Variants in ENPP1 observed in about 807,000 individuals in gnomAD.
The protein encoded by ENPP1 is ectonucleotide pyrophosphatase/phosphodiesterase family member 1.
Under a neutral mutation model 122.8 loss-of-function variants are expected in ENPP1, and 73 were observed. That is an observed-to-expected ratio of 0.59 (90% CI 0.49 to 0.72). ENPP1 has a LOEUF of 0.72. Among genes scored for constraint, ENPP1 ranks in the 30% least tolerant of loss-of-function variants. The pLI is 0.00. For synonymous variants in ENPP1, 367 were observed against 391.6 expected (o/e 0.94, Z 0.74); for missense variants, 978 against 1,128.1 (o/e 0.87, Z 1.91).
chr6:131,855,032 C>T lies in ENPP1; in HGVS notation c.715+9C>T. The T allele has an allele frequency of 6.5e-7, 1 of 1,547,570 alleles. No homozygotes were observed. The highest frequency in any genetic ancestry group is 1.1e-5 in the South Asian group (1 of 89,756). ...TGTTATTAGCAAACTAAGTGAGTAA[C>T]TTCAGAGTTTACTGCTGGAATATCA... On this transcript the variant is annotated intron_variant, in intron 6 of 24. Transcript: ENST00000647893.
chr6:131,876,896 T>C (rs544623867), intron 17 of ENPP1, 96 bp from the exon 18 acceptor site: 11 of 1,057,284 alleles, frequency 1.0e-5, no homozygotes, highest in Middle Eastern at 2.8e-4. Flanking sequence ...AAATGACTCA[T>C]GTATTTGGTT....
At chr6:131,888,235 CTTTTTTT>C (rs58493790) in intron 24 of ENPP1, among the ~76,000 whole-genome samples, 4 of 139,484 alleles carry the variant, frequency 2.9e-5, no homozygotes, top group Non-Finnish European at 6.2e-5. Flanking sequence ...CCTACATTTC[CTTTTTTT>C]TTTTTTTTCA....
At chr6:131,848,369 T>A (rs1781839703) in intron 2 of ENPP1, among the ~76,000 whole-genome samples, 1 of 152,152 alleles carries the variant, frequency 6.6e-6, no homozygotes, top group African/African-American at 2.4e-5. Flanking sequence ...TTAAACTGGA[T>A]CACAGTAAAT....
intron 13 of ENPP1, among the ~76,000 whole-genome samples, chr6:131,869,959 G>A (rs1782140740): frequency 1.3e-5 from 2 of 151,838 alleles, no homozygotes; most frequent in Non-Finnish European, 2.9e-5. Flanking sequence ...CCAATGCAGA[G>A]CTTTTGTACA....
intron 1 of ENPP1, among the ~76,000 whole-genome samples, chr6:131,829,518 GTCTA>G (rs772157606): frequency 6.6e-6 from 1 of 152,310 alleles, no homozygotes; most frequent in South Asian, 2.1e-4. Context: ...ATGTCTGTCT[GTCTA>G]TCTATCCATC....
chr6:131,875,835 A>G lies in ENPP1; in HGVS notation c.1695A>G (p.Glu565=). The G allele has an allele frequency of 1.2e-6, 2 of 1,613,992 alleles. No homozygotes were observed. The highest frequency in any genetic ancestry group is 1.7e-6 in the Non-Finnish European group (2 of 1,179,882). The change falls in exon 17 of 25, where the codon GAA becomes GAG. Residue 565 remains glutamate (E), a synonymous_variant. Coordinates refer to ENST00000647893, the MANE Select transcript of ENPP1 (RefSeq NM_006208.3). ...FKHGIEADTF[E]NIEVYNLMCD... Reference sequence around the variant, plus strand: ...ATGGCATTGAGGCTGACACCTTTGAAAACATTGAAGTCTATAACTTAATGT... The same window carrying G: ...ATGGCATTGAGGCTGACACCTTTGAGAACATTGAAGTCTATAACTTAATGT...
At chr6:131,839,408 T>C (rs1366997974) in intron 1 of ENPP1, among the ~76,000 whole-genome samples, 3 of 152,072 alleles carry the variant, frequency 2.0e-5, no homozygotes, top group Admixed American at 2.0e-4. Context: ...AGAGATTAGG[T>C]AGATTTCATG....
At chr6:131,852,269 T>A in intron 5 of ENPP1, 34 bp downstream of exon 5, 1 of 1,307,544 alleles carries the variant, frequency 7.6e-7, no homozygotes, top group African/African-American at 1.4e-5. Context: ...AATTTTTTCT[T>A]TTTTAGAAGT....
chr6:131,873,724 T>A (rs1782192504), intron 15 of ENPP1, among the ~76,000 whole-genome samples: 1 of 152,088 alleles, frequency 6.6e-6, no homozygotes, highest in South Asian at 2.1e-4. Flanking sequence ...TACATACCCC[T>A]GTCAAGCAAA....
At position 131,877,139 on chromosome 6, in the gene ENPP1, T is replaced by C. The variant is rs775258307; in HGVS notation, c.1871T>C (p.Leu624Pro). 3.1e-6 allele frequency: 5 copies of C among 1,613,908 alleles called. No individual in the cohort carries two copies. The highest frequency in any genetic ancestry group is 4.2e-6 in the Non-Finnish European group (5 of 1,179,920). ...TTCACAAGAAACCCCAGAGATAACC[T>C]TGGCTGCTCATGTAACCCTTCGGTA... ...CPFTRNPRDN[L>P]GCSCNPSILP... Residue 624 changes from leucine (L) to proline (P), a missense_variant, in exon 18 of 25, where the codon CTT becomes CCT. Leu to Pro is a moderately conservative substitution (Grantham distance 98). Coordinates refer to ENST00000647893, the MANE Select transcript of ENPP1 (RefSeq NM_006208.3).
chr6:131,881,245 A>G (rs116301856), intron 20 of ENPP1, among the ~76,000 whole-genome samples: 2,147 of 152,294 alleles, frequency 0.014, 58 homozygotes, highest in African/African-American at 0.049. Flanking sequence ...ATACACACAT[A>G]TATTTATATA....
intron 5 of ENPP1, among the ~76,000 whole-genome samples, chr6:131,854,404 C>A (rs1781919612): frequency 6.6e-6 from 1 of 151,872 alleles, no homozygotes; most frequent in Admixed American, 6.6e-5. Context: ...CAGAGTGAGA[C>A]TCTGTCTCAA....
At chr6:131,833,201 T>A (rs1366406989) in intron 1 of ENPP1, among the ~76,000 whole-genome samples, 1 of 152,220 alleles carries the variant, frequency 6.6e-6, no homozygotes, top group Non-Finnish European at 1.5e-5. Context: ...CTATTTCTCC[T>A]TATGTGCTTG....
In ENPP1 at chr6:131,808,190, C is replaced by T. The variant is rs1408308764; in HGVS notation, c.155C>T (p.Pro52Leu). The T allele has an allele frequency of 6.7e-7, 1 of 1,500,694 alleles. No individual in the cohort carries two copies. The highest frequency in any genetic ancestry group is 2.2e-5 in the Admixed American group (1 of 45,504). 93.0% of individuals were successfully genotyped at this position (1,500,694 alleles called of 1,614,324 possible). ...CAGGCGGCCGCGTCCTTGCTGGCCC[C>T]TATGGACGTGGGGGAGGAGCCGCTG... ...DPQAAASLLA[P>L]MDVGEEPLEK... Residue 52 changes from proline to leucine, a missense_variant, in exon 1 of 25, where the codon CCT becomes CTT. Pro to Leu is a moderately conservative substitution (Grantham distance 98, BLOSUM62 -3). This residue lies in a region of ENPP1 where 330 missense variants were observed against 328.5 expected (regional missense o/e 1.00). Transcript: ENST00000647893.
Position 131,882,356 on chromosome 6 carries a change from T to C in ENPP1, c.2112T>C (p.Ser704=), listed in dbSNP as rs749152017. 1 of 1,602,140 alleles carries C rather than the reference T, an allele frequency of 6.2e-7. No individual in the cohort carries two copies. Among genetic ancestry groups the C allele is most frequent in the Non-Finnish European group, 8.5e-7 (1 of 1,172,420 alleles). The change falls in exon 21 of 25, where the codon TCT becomes TCC. Residue 704 remains serine, a synonymous_variant. Transcript: ENST00000647893. ...SYTVDRNDSF[S]TEDFSNCLYQ... is the part of the protein sequence containing the mutation. ...TTTTCGTTCTTCAGGACAGTTTCTC[T>C]ACGGAAGACTTCTCCAACTGTCTGT...
At chr6:131,879,817 A>G (rs895277024) in intron 19 of ENPP1, 63 bp from the exon 20 acceptor site, 27 of 1,412,176 alleles carry the variant, frequency 1.9e-5, no homozygotes, top group African/African-American at 4.2e-5. Flanking sequence ...AGATGAGTGT[A>G]TCACACTATA....
intron 23 of ENPP1, among the ~76,000 whole-genome samples, chr6:131,885,341 G>A (rs1285726868): frequency 6.6e-6 from 1 of 152,188 alleles, no homozygotes; most frequent in African/African-American, 2.4e-5. Context: ...ACTCATTTAA[G>A]ATCTCTGTGT....
At chr6:131,818,462 C>G (rs371302921) in intron 1 of ENPP1, among the ~76,000 whole-genome samples, 71 of 151,940 alleles carry the variant, frequency 4.7e-4, no homozygotes, top group South Asian at 1.3e-3. Context: ...CTGGCTAACA[C>G]GGTGAAATGC....
chr6:131,882,057 ATATT>A (rs1782318097), intron 20 of ENPP1, among the ~76,000 whole-genome samples: 1 of 148,710 alleles, frequency 6.7e-6, no homozygotes, highest in African/African-American at 2.6e-5. Flanking sequence ...AAATAAATAA[ATATT>A]TAAAATTGTG....
Sources: gnomAD v4.1 joint callset for allele counts (sites outside exome capture counted in the v4.1 genomes callset) on GRCh38, gnomAD v4.1.1 for gene constraint, gnomAD v4.1.1 regional missense constraint, MANE v1.5 for transcripts, NCBI Gene and HGNC (gene_info 2026-07-23, HGNC 2026-07-21) for gene names.